CLEC2A: variants seen among roughly 807,000 people sequenced by gnomAD.
CLEC2A encodes keratinocyte-associated C-type lectin.
Under a neutral mutation model 18.6 loss-of-function variants are expected in CLEC2A, and 19 were observed. That is an observed-to-expected ratio of 1.02 (90% confidence interval 0.71 to 1.50). The LOEUF (loss-of-function observed/expected upper bound fraction) is 1.50, where lower values mean the gene tolerates loss of function less well. CLEC2A is among the 40% of genes most tolerant of loss of function. CLEC2A has a pLI of 0.00. For synonymous variants in CLEC2A, 74 were observed against 64.0 expected, an observed-to-expected ratio of 1.16 and a Z score of -0.75; for missense variants, 190 against 207.9, an observed-to-expected ratio of 0.91 and a Z score of 0.53.
Position 9,916,769 on chromosome 12 carries a change from T to TGCATATCAGTTCCTGC in CLEC2A, c.325_340dup (p.His114ArgfsTer4), listed in dbSNP as rs1863079486. 7 of 1,551,350 alleles carry TGCATATCAGTTCCTGC rather than the reference T, an allele frequency of 4.5e-6. No individual in the cohort carries two copies. Among genetic ancestry groups the TGCATATCAGTTCCTGC allele is most frequent in the Middle Eastern group, 1.7e-4 (1 of 5,990 alleles). On this transcript the variant is annotated stop_gained and frameshift_variant, in exon 4 of 5. Coordinates refer to ENST00000455827, the MANE Select transcript of CLEC2A (RefSeq NM_001130711.2). LOFTEE classifies it high-confidence loss of function. ...TTGTTTCCTGCTTAGTCCAATCCAG[T>TGCATATCAGTTCCTGC]GCATATCAGTTCCTGCGTACCTCTT...
chr12:9,887,705 T>G, the CLEC2A span, among the ~76,000 whole-genome samples: 1 of 151,640 alleles, frequency 6.6e-6, no homozygotes, highest in Admixed American at 6.6e-5. Context: ...TGAAGGAACT[T>G]GATGATATGG....
intron 1 of CLEC2A, among the ~76,000 whole-genome samples, chr12:9,927,112 T>C (rs977388439): frequency 2.6e-5 from 4 of 152,058 alleles, no homozygotes; most frequent in Admixed American, 6.6e-5. Context: ...CTTTAGGTGA[T>C]TGTGTCATTG....
At chr12:9,930,792 C>T (rs377271040) in intron 1 of CLEC2A, among the ~76,000 whole-genome samples, 12 of 152,018 alleles carry the variant, frequency 7.9e-5, no homozygotes, top group African/African-American at 2.9e-4. Context: ...ATTTCTACTT[C>T]TATTTTTCAT....
downstream of CLEC2A, among the ~76,000 whole-genome samples, chr12:9,894,128 C>CTT (rs1279182341): frequency 5.0e-5 from 5 of 99,964 alleles, no homozygotes; most frequent in Admixed American, 3.3e-4. Flanking sequence ...TCTTTTCTTT[C>CTT]TCTCTCTCTC....
At chr12:9,924,166 C>G (rs117597317) in intron 2 of CLEC2A, among the ~76,000 whole-genome samples, 1,767 of 152,006 alleles carry the variant, frequency 0.012, 14 homozygotes, top group Non-Finnish European at 0.019. Flanking sequence ...ACTGACTGGC[C>G]TGAGATGGTA....
At chr12:9,918,401 A>C (rs887789481) in intron 3 of CLEC2A, among the ~76,000 whole-genome samples, 1 of 152,100 alleles carries the variant, frequency 6.6e-6, no homozygotes, top group Non-Finnish European at 1.5e-5. Context: ...CAAAGATCAG[A>C]TGGTCGTAGG....
At chr12:9,916,378 G>A (rs557098772) in intron 4 of CLEC2A, among the ~76,000 whole-genome samples, 1 of 152,134 alleles carries the variant, frequency 6.6e-6, no homozygotes, top group Admixed American at 6.5e-5. Context: ...GTGAGTTTTG[G>A]CTTAAAATTT....
chr12:9,905,088 G>A (rs984552922), intron 4 of CLEC2A, among the ~76,000 whole-genome samples: 4 of 152,196 alleles, frequency 2.6e-5, no homozygotes, highest in Admixed American at 6.5e-5. Flanking sequence ...TTGATGACGA[G>A]GTGACTTTCT....
chr12:9,926,365 A>G (rs1241316442), intron 1 of CLEC2A, 22 bp from the exon 2 acceptor site: 6 of 1,437,704 alleles, frequency 4.2e-6, no homozygotes, highest in Non-Finnish European at 5.7e-6. Flanking sequence ...ATCAACACAT[A>G]TTTTACAATT....
intron 2 of CLEC2A, among the ~76,000 whole-genome samples, chr12:9,924,104 C>T (rs964231323): frequency 1.3e-5 from 2 of 151,792 alleles, no homozygotes; most frequent in African/African-American, 4.8e-5. Flanking sequence ...TACCCTAGAA[C>T]TTAAAGTATA....
chr12:9,899,547 A>G (rs1862797119), intron 4 of CLEC2A, among the ~76,000 whole-genome samples: 1 of 152,170 alleles, frequency 6.6e-6, no homozygotes, highest in African/African-American at 2.4e-5. Flanking sequence ...AGGGTATGTG[A>G]GGGAGAGAGG....
chr12:9,884,547 C>A, the CLEC2A span, among the ~76,000 whole-genome samples: 4 of 149,248 alleles, frequency 2.7e-5, no homozygotes, highest in Non-Finnish European at 5.9e-5. Flanking sequence ...ATATATTATT[C>A]TTTCTATATA....
At chr12:9,917,845 C>G (rs935875466) in intron 3 of CLEC2A, among the ~76,000 whole-genome samples, 2 of 152,138 alleles carry the variant, frequency 1.3e-5, no homozygotes, top group Non-Finnish European at 2.9e-5. Context: ...GTGCACTTCT[C>G]TAATGATCAG....
chr12:9,932,251 T>C, intron 1 of CLEC2A, 24 bp downstream of exon 1: 7 of 1,486,004 alleles, frequency 4.7e-6, no homozygotes, highest in Admixed American at 2.0e-5. Context: ...TTTACTTCCT[T>C]CTCATTCACT....
At chr12:9,887,497 A>T in the CLEC2A span, among the ~76,000 whole-genome samples, 13 of 152,176 alleles carry the variant, frequency 8.5e-5, no homozygotes, top group African/African-American at 3.1e-4. Context: ...TAATCAAGTA[A>T]ATATTTTTTC....
chr12:9,922,352 C>A, intron 2 of CLEC2A, 120 bp from the exon 3 acceptor site: 1 of 679,988 alleles, frequency 1.5e-6, no homozygotes, highest in South Asian at 3.3e-5. Flanking sequence ...TTAGCTTCCC[C>A]CCTCCCCAGA....
chr12:9,884,366 AAT>A, the CLEC2A span, among the ~76,000 whole-genome samples: 2 of 151,862 alleles, frequency 1.3e-5, no homozygotes, highest in Non-Finnish European at 2.9e-5. Flanking sequence ...AACCCAGAAA[AAT>A]ATAATATATT....
chr12:9,899,104 C>A lies in CLEC2A; in HGVS notation c.411-128G>T, dbSNP rs888115204. 7 of 519,020 alleles carry A rather than the reference C, an allele frequency of 1.3e-5. No homozygotes were observed. The East Asian group carries it at 1.7e-4, about 13-fold the overall frequency. 32.2% of individuals were successfully genotyped at this position (519,020 alleles called of 1,614,324 possible). On this transcript the variant is annotated intron_variant, in intron 4 of 4. Coordinates refer to the CLEC2A transcript ENST00000339766. ...ATCAGTTTGCACAGGGAGAGGCAGGCGAAAAGCCCTACTAGTAAAAAAAAA... is the reference window on the plus strand; with the variant it reads ...ATCAGTTTGCACAGGGAGAGGCAGGAGAAAAGCCCTACTAGTAAAAAAAAA...
chr12:9,892,918 G>T, the CLEC2A span: 17 of 916,736 alleles, frequency 1.9e-5, no homozygotes, highest in Non-Finnish European at 2.3e-5. Flanking sequence ...AAAAAAAAAT[G>T]AGTTGGAAAA....
Sources: gnomAD v4.1 joint callset for allele counts (sites outside exome capture counted in the v4.1 genomes callset) on GRCh38, gnomAD v4.1.1 for gene constraint, MANE v1.5 for transcripts, NCBI Gene and HGNC (gene_info 2026-07-23, HGNC 2026-07-21) for gene names.